PCDHA1: variants seen among roughly 807,000 people sequenced by gnomAD.
PCDHA1 encodes the protein protocadherin alpha 1.
Under a neutral mutation model 61.3 loss-of-function variants are expected in PCDHA1, and 42 were observed. That is an observed-to-expected ratio of 0.69 (90% CI 0.54 to 0.89). PCDHA1 has a LOEUF of 0.89. Among genes scored for constraint, PCDHA1 ranks in the 40% least tolerant of loss-of-function variants. PCDHA1 has a pLI of 0.00. For missense variants in PCDHA1, 1,256 were observed against 1,235.3 expected (o/e 1.02, Z -0.25); for synonymous variants, 610 against 553.8 (o/e 1.10, Z -1.43).
At chr5:140,822,072 G>A (rs950776506) in intron 1 of PCDHA1, 4 of 1,614,228 alleles carry the variant, frequency 2.5e-6, no homozygotes, top group African/African-American at 1.3e-5. Context: ...GGCGGAGGGC[G>A]GAGTGCAGCA....
chr5:141,000,415 ATATATATTTTTTT>A (rs1176788591), intron 3 of PCDHA1, among the ~76,000 whole-genome samples: 1 of 87,398 alleles, frequency 1.1e-5, no homozygotes, highest in Non-Finnish European at 2.1e-5. Flanking sequence ...ATATATATAT[ATATATATTTTTTT>A]TTTTTTTTTT....
chr5:140,836,475 G>T, intron 1 of PCDHA1: 1 of 1,613,846 alleles, frequency 6.2e-7, no homozygotes, highest in Non-Finnish European at 8.5e-7. Flanking sequence ...GGATGTCAAC[G>T]TGTACCTGAT....
At chr5:140,971,728 C>A (rs1221096186) in intron 1 of PCDHA1, among the ~76,000 whole-genome samples, 2 of 151,550 alleles carry the variant, frequency 1.3e-5, no homozygotes, top group African/African-American at 2.4e-5. Flanking sequence ...GTATATCATA[C>A]ATATACACAT....
intron 1 of PCDHA1, among the ~76,000 whole-genome samples, chr5:140,890,189 G>C (rs1262049301): frequency 1.3e-5 from 2 of 152,102 alleles, no homozygotes; most frequent in Non-Finnish European, 2.9e-5. Context: ...CTACAAAACA[G>C]AGTTTTTTGT....
chr5:140,833,558 A>G (rs1329947053), intron 1 of PCDHA1, among the ~76,000 whole-genome samples: 1 of 152,224 alleles, frequency 6.6e-6, no homozygotes, highest in African/African-American at 2.4e-5. Context: ...TGAGGAAACA[A>G]ATATAAAATG....
At chr5:140,853,934 C>A in intron 1 of PCDHA1, 1 of 864,496 alleles carries the variant, frequency 1.2e-6, no homozygotes, top group Non-Finnish European at 1.4e-6. Flanking sequence ...TTTGGGAGGC[C>A]AAGGTGGGAG....
intron 1 of PCDHA1, chr5:140,823,224 G>A (rs2150123702): frequency 6.2e-7 from 1 of 1,613,550 alleles, no homozygotes; most frequent in Non-Finnish European, 8.5e-7. Context: ...ACGCGGACGC[G>A]CAGGAGAACG....
chr5:140,894,987 T>A lies in PCDHA1; in HGVS notation c.2395-83962T>A, dbSNP rs564159529. On this transcript the variant is annotated intron_variant, in intron 1 of 3. Transcript: ENST00000504120. ...TTTTTTAATGTCTTACTTTGTGACA[T>A]CCTTTACCCTTTTTACTTGGACCTT... 3.3e-5 allele frequency among the ~76,000 whole-genome samples: 5 copies of A among 152,318 alleles called. No individual in the cohort carries two copies. In the East Asian group the frequency reaches 9.6e-4, roughly 29 times the overall value.
intron 2 of PCDHA1, among the ~76,000 whole-genome samples, chr5:140,980,712 T>G (rs4404731): frequency 0.013 from 1,940 of 152,272 alleles, 50 homozygotes; most frequent in African/African-American, 0.045. Context: ...GTGCTCCTAT[T>G]CGGGTTTCAA....
intron 1 of PCDHA1, among the ~76,000 whole-genome samples, chr5:140,978,727 G>A (rs1382730289): frequency 1.3e-5 from 2 of 152,198 alleles, no homozygotes; most frequent in South Asian, 2.1e-4. Flanking sequence ...TATTAAATCT[G>A]GTCTTCCAGG....
intron 1 of PCDHA1, chr5:140,821,958 C>A: frequency 6.2e-7 from 1 of 1,614,156 alleles, no homozygotes; most frequent in Non-Finnish European, 8.5e-7. Context: ...TGGTGCCGCG[C>A]CTGTTCCGGG....
chr5:140,835,793 G>C, intron 1 of PCDHA1: 1 of 1,613,102 alleles, frequency 6.2e-7, no homozygotes, highest in Non-Finnish European at 8.5e-7. Context: ...ACAACCCGCC[G>C]GGCTGCCACA....
Position 140,858,030 on chromosome 5 carries a change from C to T in PCDHA1, c.2394+69346C>T, listed in dbSNP as rs534379807. 197 of 1,597,024 alleles carry T rather than the reference C, an allele frequency of 1.2e-4. 17 individuals are homozygous for T. Among genetic ancestry groups the T allele is most frequent in the Middle Eastern group, 3.3e-4 (2 of 5,996 alleles). On this transcript the variant is annotated intron_variant, in intron 1 of 3. Coordinates refer to ENST00000504120, the MANE Select transcript of PCDHA1 (RefSeq NM_018900.4). ...CATGGCGAGCCGTCGCTGACGGCCA[C>T]GGCCACTGTGCTTGTGTCGCTTGTG...
rs142570778 is a variant in PCDHA1 at position 141,009,810 on chromosome 5, A to G, written c.2726A>G (p.Asp909Gly). ...CAGGAGCCTACTAACAGCCAAATTG[A>G]CAAAAGTGACTTCATAACCTTCGGC... ...IRQEPTNSQI[D>G]KSDFITFGKK... The change falls in exon 4 of 4, where the codon GAC (aspartate) becomes GGC (glycine). Residue 909 changes from aspartate to glycine, a missense_variant. Asp to Gly is a moderately conservative substitution (Grantham distance 94). Transcript: ENST00000504120. 8 of 1,614,016 alleles carry G rather than the reference A, an allele frequency of 5.0e-6. No individual in the cohort carries two copies. Among genetic ancestry groups the G allele is most frequent in the Admixed American group, 3.3e-5 (2 of 60,000 alleles).
chr5:140,850,322 C>G lies in PCDHA1; in HGVS notation c.2394+61638C>G, dbSNP rs2150479524. 264 of 1,597,382 alleles carry G rather than the reference C, an allele frequency of 1.7e-4. 27 individuals are homozygous for G. The highest frequency in any genetic ancestry group is 2.2e-4 in the Non-Finnish European group (252 of 1,167,724). ...CGGGCTACAACGCGTGGCTTTCATA[C>G]GAGCTGCAGCCAGAAACGGCCAGCG... On this transcript the variant is annotated intron_variant, in intron 1 of 3. Coordinates refer to ENST00000504120, the MANE Select transcript of PCDHA1 (RefSeq NM_018900.4).
intron 1 of PCDHA1, among the ~76,000 whole-genome samples, chr5:140,790,695 T>C (rs1761595938): frequency 6.6e-6 from 1 of 152,238 alleles, no homozygotes; most frequent in African/African-American, 2.4e-5. Context: ...CACATTACTG[T>C]GTCCCCAAAG....
intron 1 of PCDHA1, chr5:140,811,505 A>G (rs1214615927): frequency 6.6e-6 from 1 of 152,172 alleles, no homozygotes; most frequent in African/African-American, 2.4e-5. Context: ...ATGATTTATA[A>G]TCCTTTAGAT....
chr5:140,822,633 C>T (rs143650923), intron 1 of PCDHA1: 28 of 1,610,462 alleles, frequency 1.7e-5, no homozygotes, highest in African/African-American at 2.7e-5. Context: ...TTGTTCTTGA[C>T]GATGTAAAGT....
At chr5:140,869,218 G>A in intron 1 of PCDHA1, 1 of 1,613,824 alleles carries the variant, frequency 6.2e-7, no homozygotes, top group Non-Finnish European at 8.5e-7. Context: ...CTCGGAGGAG[G>A]CCAAACACGG....
Sources: allele counts gnomAD v4.1 joint callset (sites outside exome capture counted in the v4.1 genomes callset), GRCh38; gene constraint gnomAD v4.1.1; transcripts MANE v1.5; gene names NCBI Gene and HGNC (gene_info 2026-07-23, HGNC 2026-07-21).